FAM47E: variants seen among roughly 807,000 people sequenced by gnomAD.
The protein encoded by FAM47E is family with sequence similarity 47 member E.
In FAM47E, 32 loss-of-function variants were observed where a neutral mutation model predicts 41.6. The ratio of observed to expected loss-of-function variants is 0.77; its 90% CI spans 0.58 to 1.03. The LOEUF (loss-of-function observed/expected upper bound fraction) is 1.03, where lower values mean the gene tolerates loss of function less well. Ranked by LOEUF, FAM47E falls within the 50% of genes least tolerant of loss-of-function variation. The probability of loss-of-function intolerance (pLI) is 0.00; values close to 1 mark genes in which losing one functional copy is unlikely to be tolerated. For synonymous variants in FAM47E, 184 were observed against 188.7 expected (o/e 0.98, Z 0.20); for missense variants, 424 against 485.4 (o/e 0.87, Z 1.19).
At chr4:76,214,675 A>G (rs1733165950) in intron 1 of FAM47E, among the ~76,000 whole-genome samples, 1 of 152,220 alleles carries the variant, frequency 6.6e-6, no homozygotes, top group Non-Finnish European at 1.5e-5. Flanking sequence ...CAAGACCTGC[A>G]CACAGCCAGG....
At chr4:76,280,490 C>T (rs1317986131) in intron 7 of FAM47E, 149 bp downstream of exon 7, 2 of 527,130 alleles carry the variant, frequency 3.8e-6, no homozygotes, top group Non-Finnish European at 6.7e-6. Flanking sequence ...GCATGCTTCT[C>T]CCCAGACGGG....
At chr4:76,224,030 C>T (rs1733352691) in intron 2 of FAM47E, among the ~76,000 whole-genome samples, 1 of 152,212 alleles carries the variant, frequency 6.6e-6, no homozygotes, top group African/African-American at 2.4e-5. Flanking sequence ...GAGACCTCCC[C>T]ACAAACACAG....
intron 2 of FAM47E, among the ~76,000 whole-genome samples, chr4:76,218,464 G>T (rs1234194458): frequency 6.6e-6 from 1 of 152,144 alleles, no homozygotes; most frequent in Non-Finnish European, 1.5e-5. Context: ...CAGGCCACAG[G>T]GACTCTCTGT....
chr4:76,266,727 C>CCTTA (rs1458766880), intron 3 of FAM47E, among the ~76,000 whole-genome samples: 2 of 152,182 alleles, frequency 1.3e-5, no homozygotes, highest in Non-Finnish European at 2.9e-5. Flanking sequence ...AATCCAAAGT[C>CCTTA]CTTACAACTG....
At chr4:76,217,831 T>A in intron 2 of FAM47E, 1 of 403,048 alleles carries the variant, frequency 2.5e-6, no homozygotes, top group Admixed American at 4.3e-5. Flanking sequence ...TGATTGCTGG[T>A]GCCTGTTGAA....
intron 1 of FAM47E, among the ~76,000 whole-genome samples, chr4:76,253,779 G>T (rs2110002246): frequency 6.6e-6 from 1 of 150,692 alleles, no homozygotes; most frequent in Non-Finnish European, 1.5e-5. Flanking sequence ...ACTCCAGCCT[G>T]GGTAACAGAG....
At chr4:76,230,373 A>C (rs1459935603) in intron 2 of FAM47E, among the ~76,000 whole-genome samples, 1 of 152,102 alleles carries the variant, frequency 6.6e-6, no homozygotes, top group Non-Finnish European at 1.5e-5. Context: ...GTGCCCTCCT[A>C]ACAGTGGCAA....
chr4:76,239,688 C>T (rs1356590595), intron 2 of FAM47E, among the ~76,000 whole-genome samples: 1 of 152,030 alleles, frequency 6.6e-6, no homozygotes, highest in Non-Finnish European at 1.5e-5. Context: ...GCCTTTTTTA[C>T]TCTGTTAATA....
intron 3 of FAM47E, among the ~76,000 whole-genome samples, chr4:76,266,884 T>G (rs1734659829): frequency 6.6e-6 from 1 of 152,204 alleles, no homozygotes; most frequent in Admixed American, 6.5e-5. Flanking sequence ...CACATGCCAT[T>G]CTTTTCTGTC....
At chr4:76,258,883 G>A (rs902732167) in intron 2 of FAM47E, among the ~76,000 whole-genome samples, 1 of 152,180 alleles carries the variant, frequency 6.6e-6, no homozygotes, top group African/African-American at 2.4e-5. Flanking sequence ...TATGGTTTAA[G>A]GAGATGAGTA....
intron 1 of FAM47E, chr4:76,217,505 C>T (rs1866975): frequency 0.45 from 183,923 of 410,630 alleles, 46,949 homozygotes; most frequent in East Asian, 0.95. Flanking sequence ...AGAGCTGGCA[C>T]CTCCTCCTTC....
chr4:76,244,644 G>C (rs1311426804), intron 2 of FAM47E, among the ~76,000 whole-genome samples: 1 of 145,844 alleles, frequency 6.9e-6, no homozygotes, highest in African/African-American at 2.5e-5. Context: ...GAGTTCAAGT[G>C]ATTCTCCTGC....
chr4:76,255,549 A>C (rs960749629), intron 1 of FAM47E, among the ~76,000 whole-genome samples: 3 of 152,170 alleles, frequency 2.0e-5, no homozygotes, highest in Admixed American at 1.3e-4. Context: ...CAGAGGTTAC[A>C]TGAAGAGCCA....
chr4:76,257,885 C>T (rs910777236), intron 2 of FAM47E, among the ~76,000 whole-genome samples: 11 of 151,734 alleles, frequency 7.2e-5, no homozygotes, highest in South Asian at 4.1e-4. Context: ...CACTGTGTAC[C>T]ACCAATACCT....
chr4:76,234,674 C>T (rs1238033581), intron 2 of FAM47E: 1 of 152,232 alleles, frequency 6.6e-6, no homozygotes, highest in African/African-American at 2.4e-5. Context: ...CTTTGGCAGG[C>T]CAAGTTGAGA....
chr4:76,268,981 A>C (rs1389374304), intron 4 of FAM47E: 5 of 555,700 alleles, frequency 9.0e-6, no homozygotes, highest in Non-Finnish European at 1.5e-5. Context: ...AAATTTCTGG[A>C]AAGGTTGCAA....
At chr4:76,219,476 G>A (rs1333724418) in intron 2 of FAM47E, among the ~76,000 whole-genome samples, 2 of 152,212 alleles carry the variant, frequency 1.3e-5, no homozygotes, top group Non-Finnish European at 2.9e-5. Context: ...GAAATATCAA[G>A]GCTGTCTGAT....
chr4:76,236,732 AT>A (rs1246451869), intron 2 of FAM47E: 2 of 152,006 alleles, frequency 1.3e-5, no homozygotes, highest in Non-Finnish European at 2.9e-5. Context: ...GGGTTTAAAA[AT>A]TTTCTGGTTG....
At chr4:76,273,120 T>G (rs968263610) in intron 5 of FAM47E, among the ~76,000 whole-genome samples, 1 of 152,174 alleles carries the variant, frequency 6.6e-6, no homozygotes, top group Non-Finnish European at 1.5e-5. Context: ...CTGCGTTTTT[T>G]GATATGATAA....
Sources: gnomAD v4.1 joint callset for allele counts (sites outside exome capture counted in the v4.1 genomes callset) on GRCh38, gnomAD v4.1.1 for gene constraint, MANE v1.5 for transcripts, NCBI Gene and HGNC (gene_info 2026-07-23, HGNC 2026-07-21) for gene names.